The following TBC1D1 variants were observed in gnomAD, a reference collection of about 807,000 sequenced individuals.
TBC1D1 encodes the protein TBC1 domain family member 1.
TBC1D1 carries 89 observed loss-of-function variants against 125.6 expected under a neutral mutation model. That is an observed-to-expected ratio of 0.71 (90% confidence interval 0.60 to 0.85). The LOEUF (loss-of-function observed/expected upper bound fraction) is 0.85. Ranked by LOEUF, TBC1D1 falls within the 40% of genes least tolerant of loss-of-function variation. TBC1D1 has a pLI of 0.00. For synonymous variants in TBC1D1, 565 were observed against 564.1 expected, an observed-to-expected ratio of 1.00 and a Z score of -0.02; for missense variants, 1,377 against 1,469.2, an observed-to-expected ratio of 0.94 and a Z score of 1.03.
At chr4:37,947,975 G>GATA (rs1727057829) in intron 2 of TBC1D1, among the ~76,000 whole-genome samples, 2 of 152,032 alleles carry the variant, frequency 1.3e-5, no homozygotes, top group Admixed American at 1.3e-4. Flanking sequence ...GTCAGTTAAC[G>GATA]ATAATAATAA....
chr4:38,067,786 C>T (rs1224107816), intron 12 of TBC1D1, among the ~76,000 whole-genome samples: 2 of 152,150 alleles, frequency 1.3e-5, no homozygotes, highest in African/African-American at 4.8e-5. Context: ...ACAGTTAGAC[C>T]AGATGTTCTT....
intron 2 of TBC1D1, among the ~76,000 whole-genome samples, chr4:37,912,961 T>A (rs1195120771): frequency 2.6e-5 from 4 of 152,194 alleles, no homozygotes; most frequent in African/African-American, 9.6e-5. Context: ...ATTAATTTAT[T>A]TGGAGAATTT....
chr4:37,951,043 G>C (rs563752797), intron 2 of TBC1D1, among the ~76,000 whole-genome samples: 13 of 152,258 alleles, frequency 8.5e-5, no homozygotes, highest in African/African-American at 3.1e-4. Flanking sequence ...GGGATTACAG[G>C]TGTGAGCCAC....
chr4:38,020,864 T>C (rs192177906), intron 5 of TBC1D1, 169 bp downstream of exon 5: 177 of 466,024 alleles, frequency 3.8e-4, no homozygotes, highest in Non-Finnish European at 3.8e-4. Flanking sequence ...ATCTGAAGCT[T>C]AATTGGCTGT....
intron 2 of TBC1D1, among the ~76,000 whole-genome samples, chr4:38,002,342 C>T (rs571524570): frequency 3.9e-4 from 59 of 152,332 alleles, no homozygotes; most frequent in African/African-American, 1.3e-3. Context: ...AAGTCTTCAG[C>T]TGTCTAGAAA....
At chr4:37,946,012 A>G (rs371078786) in intron 2 of TBC1D1, among the ~76,000 whole-genome samples, 1 of 152,240 alleles carries the variant, frequency 6.6e-6, no homozygotes, top group South Asian at 2.1e-4. Context: ...CAAAGCTACA[A>G]TGAGTATGAC....
intron 2 of TBC1D1, among the ~76,000 whole-genome samples, chr4:37,911,466 A>G: frequency 6.6e-6 from 1 of 152,008 alleles, no homozygotes; most frequent in Non-Finnish European, 1.5e-5. Context: ...GATTTGGGGG[A>G]GGAGCCTGAT....
At chr4:37,994,788 G>A (rs1304225155) in intron 2 of TBC1D1, among the ~76,000 whole-genome samples, 1 of 152,152 alleles carries the variant, frequency 6.6e-6, no homozygotes, top group African/African-American at 2.4e-5. Flanking sequence ...TTCTCCTAAT[G>A]CCCTAGGCTT....
At chr4:38,064,717 A>G (rs1753380036) in intron 12 of TBC1D1, among the ~76,000 whole-genome samples, 1 of 145,496 alleles carries the variant, frequency 6.9e-6, no homozygotes, top group Admixed American at 7.1e-5. Context: ...TCCACCTCCC[A>G]GGTTCAAGGA....
chr4:38,057,101 C>T (rs1321287021), intron 12 of TBC1D1, among the ~76,000 whole-genome samples: 4 of 152,162 alleles, frequency 2.6e-5, no homozygotes, highest in Non-Finnish European at 5.9e-5. Flanking sequence ...AGCTCCTCTC[C>T]CTCCTGTGCC....
At chr4:37,908,409 T>C (rs912435398) in intron 2 of TBC1D1, among the ~76,000 whole-genome samples, 20 of 152,188 alleles carry the variant, frequency 1.3e-4, no homozygotes, top group African/African-American at 2.4e-4. Flanking sequence ...TTTCACTATG[T>C]TGGCCAGGCT....
chr4:38,126,816 G>T (rs377239228), intron 18 of TBC1D1, among the ~76,000 whole-genome samples: 3 of 152,230 alleles, frequency 2.0e-5, no homozygotes, highest in African/African-American at 7.2e-5. Flanking sequence ...AAGTGGAAAG[G>T]TAGGGGTTCA....
intron 18 of TBC1D1, chr4:38,132,862 C>T: frequency 3.2e-6 from 1 of 311,242 alleles, no homozygotes. Flanking sequence ...TTAATGTTAC[C>T]TTGGAATTAT....
In TBC1D1 at chr4:38,133,163, C is replaced by T. The variant is rs764538051; in HGVS notation, c.3212C>T (p.Ser1071Phe). 6.2e-7 allele frequency: 1 copy of T among 1,614,138 alleles called. No individual in the cohort carries two copies. Among genetic ancestry groups the T allele is most frequent in the South Asian group, 1.1e-5 (1 of 91,078 alleles). ...GTCCTTCAAGAAGAACTTATCGATTCCTCTCCTCTCAGTGACAACCAAAGA... is the reference window on the plus strand; with the variant it reads ...GTCCTTCAAGAAGAACTTATCGATTTCTCTCCTCTCAGTGACAACCAAAGA... The change falls in exon 19 of 20, where the codon TCC becomes TTC. Residue 1071 changes from serine to phenylalanine, a missense_variant. Physicochemically the swap from Ser to Phe is radical, Grantham distance 155. This residue lies in a region of TBC1D1 where 543 missense variants were observed against 613.5 expected (regional missense o/e 0.89). Coordinates refer to ENST00000261439, the MANE Select transcript of TBC1D1 (RefSeq NM_015173.4).
Position 37,995,972 on chromosome 4 carries a change from T to C in TBC1D1, c.418-18537T>C. 1 of 550,256 alleles carries C rather than the reference T, an allele frequency of 1.8e-6. No individual in the cohort carries two copies. The highest frequency in any genetic ancestry group is 3.6e-6 in the Non-Finnish European group (1 of 276,434). The allele number at this position is 550,256 out of a possible 1,614,324, so 34.1% of individuals were successfully genotyped here. The stretch of plus-strand genomic sequence containing the variant: ...GGACTTCTTTCTTCTCTTGCCTCTC[T>C]GTTTCTACCTCATCCTTGGGTGGGG... On this transcript the variant is annotated intron_variant, in intron 2 of 19. Transcript: ENST00000261439. This position sits in a 1 kb window ranked among gnomAD's most constrained non-coding sequence, Gnocchi z 4.3.
At chr4:37,913,765 T>C (rs911771465) in intron 2 of TBC1D1, among the ~76,000 whole-genome samples, 22 of 150,636 alleles carry the variant, frequency 1.5e-4, no homozygotes, top group Non-Finnish European at 1.5e-4. Flanking sequence ...TCAAGAGTTA[T>C]AGTGGCTACC....
chr4:38,108,174 C>T (rs765188514), intron 15 of TBC1D1, among the ~76,000 whole-genome samples: 6 of 152,148 alleles, frequency 3.9e-5, no homozygotes, highest in Non-Finnish European at 8.8e-5. Context: ...GTCTGGGGCT[C>T]CCACTGTCGT....
At chr4:38,006,707 C>G in intron 2 of TBC1D1, 1 of 344,302 alleles carries the variant, frequency 2.9e-6, no homozygotes, top group Non-Finnish European at 5.6e-6. Context: ...GCTCAATCTC[C>G]TGACCTTGTG....
At chr4:38,012,867 C>T (rs546336690) in intron 2 of TBC1D1, among the ~76,000 whole-genome samples, 5 of 152,236 alleles carry the variant, frequency 3.3e-5, no homozygotes, top group African/African-American at 9.6e-5. Flanking sequence ...AATCTCGGCT[C>T]ACTGCAACCT....
Sources: gnomAD v4.1 joint callset for allele counts (sites outside exome capture counted in the v4.1 genomes callset) on GRCh38, gnomAD v4.1.1 for gene constraint, gnomAD v4.1.1 regional missense constraint, Gnocchi (gnomAD v3.1) non-coding constraint, MANE v1.5 for transcripts, NCBI Gene and HGNC (gene_info 2026-07-23, HGNC 2026-07-21) for gene names.